The following CPEB3 variants were observed in gnomAD, a reference collection of about 807,000 sequenced individuals.
The protein encoded by CPEB3 is cytoplasmic polyadenylation element-binding protein 3.
CPEB3 carries 20 observed loss-of-function variants against 67.2 expected under a neutral mutation model. That is an observed-to-expected ratio of 0.30 (90% CI 0.21 to 0.43). The LOEUF (loss-of-function observed/expected upper bound fraction) is 0.43. Among genes scored for constraint, CPEB3 ranks in the 20% least tolerant of loss-of-function variants. The pLI, the probability that CPEB3 is intolerant of heterozygous loss-of-function variation, is 1.00. For missense variants in CPEB3, 746 were observed against 968.6 expected, an observed-to-expected ratio of 0.77 and a Z score of 3.05; for synonymous variants, 376 against 393.1, an observed-to-expected ratio of 0.96 and a Z score of 0.51.
intron 1 of CPEB3, among the ~76,000 whole-genome samples, chr10:92,253,463 C>CAAAAAAAAAAAAAAAA (rs370091703): frequency 6.5e-5 from 5 of 76,802 alleles, no homozygotes; most frequent in African/African-American, 1.4e-4. Context: ...TGTCTCAAAA[C>CAAAAAAAAAAAAAAAA]AAAAAAAAAA....
intron 9 of CPEB3, among the ~76,000 whole-genome samples, chr10:92,057,618 G>C (rs956475069): frequency 1.3e-5 from 2 of 152,246 alleles, no homozygotes; most frequent in Non-Finnish European, 2.9e-5. Flanking sequence ...GCAGTAACCA[G>C]GGCGTGGTTA....
chr10:92,050,290 C>T lies in CPEB3; in HGVS notation c.*1922G>A, dbSNP rs990731255. ...TCCAGTAAAAAACTATTTTGTTTTT[C>T]CTTTTTGAAAACAAACTATAGCTTG... On this transcript the variant is annotated 3_prime_UTR_variant, in exon 10 of 10. Transcript: ENST00000265997. 6.6e-6 allele frequency: 1 copy of T among 152,532 alleles called. No homozygotes were observed. Among genetic ancestry groups the T allele is most frequent in the Non-Finnish European group, 1.5e-5 (1 of 68,018 alleles). 9.4% of individuals were successfully genotyped at this position (152,532 alleles called of 1,614,324 possible). A position where few individuals can be genotyped will look rare whatever the true frequency, so the allele number is the denominator to read the frequency against.
chr10:92,214,491 T>A (rs1214822850), intron 2 of CPEB3, among the ~76,000 whole-genome samples: 1 of 152,060 alleles, frequency 6.6e-6, no homozygotes, highest in Non-Finnish European at 1.5e-5. Flanking sequence ...CCACTCAATT[T>A]TTTTTTTTTA....
At position 92,212,015 on chromosome 10, in the gene CPEB3, C is replaced by T. The variant is rs760596734; in HGVS notation, c.1006-19379G>A. Among the ~76,000 whole-genome samples the T allele has an allele frequency of 1.1e-4, 16 of 151,010 alleles. 1 individual carries two copies. The highest frequency in any genetic ancestry group is 2.0e-4 in the Admixed American group (3 of 15,096). ...CCAAGAAGCTGGGATTACAGGCACC[C>T]GCCACCACTCCTGGTTAATTTTTTA... On this transcript the variant is annotated intron_variant, in intron 2 of 9. Coordinates refer to ENST00000265997, the MANE Select transcript of CPEB3 (RefSeq NM_014912.5).
Position 92,239,641 on chromosome 10 carries a change from G to C in CPEB3, c.710C>G (p.Ser237Trp). ...AAAAAAAAAS[S>W]ASSSWNTHQS... ...GTGCGTGTTCCAGCTGGACGAGGCC[G>C]ACGAGGCGGCGGCTGCGGCAGCAGC... Residue 237 changes from serine (S) to tryptophan (W), a missense_variant, in exon 2 of 10, where the codon TCG becomes TGG. By Grantham distance (177) the Ser-to-Trp change is radical. This residue lies in a region of CPEB3 where 643 missense variants were observed against 717.5 expected (regional missense o/e 0.90). Coordinates refer to ENST00000265997, the MANE Select transcript of CPEB3 (RefSeq NM_014912.5). This position sits in a 1 kb window ranked among gnomAD's most constrained non-coding sequence, Gnocchi z 6.0. The C allele has an allele frequency of 6.4e-7, 1 of 1,560,760 alleles. No homozygotes were observed. The highest frequency in any genetic ancestry group is 8.7e-7 in the Non-Finnish European group (1 of 1,153,160).
Position 92,240,341 on chromosome 10 carries a change from C to A in CPEB3, c.10G>T (p.Asp4Tyr), listed in dbSNP as rs1317637987. The A allele has an allele frequency of 2.7e-6, 4 of 1,466,634 alleles. No individual in the cohort carries two copies. The highest frequency in any genetic ancestry group is 1.4e-5 in the South Asian group (1 of 69,900). The allele number at this position is 1,466,634 out of a possible 1,614,324, so 90.9% of individuals were successfully genotyped here. A position where few individuals can be genotyped will look rare whatever the true frequency, so the allele number is the denominator to read the frequency against. The change falls in exon 2 of 10, where the codon GAT becomes TAT. Residue 4 changes from aspartate to tyrosine, a missense_variant. Coordinates refer to ENST00000265997, the MANE Select transcript of CPEB3 (RefSeq NM_014912.5). ...GTTTTGCTTTTGTCCATCAGTAAAT[C>A]ATCCTGCATGGTTTGCGCAGCTGAA... MQD[D>Y]LLMDKSKTQP... is the part of the protein sequence containing the mutation.
At chr10:92,225,966 A>G (rs987224074) in intron 2 of CPEB3, among the ~76,000 whole-genome samples, 2 of 152,132 alleles carry the variant, frequency 1.3e-5, no homozygotes, top group Admixed American at 1.3e-4. Context: ...GCGTGGTGGC[A>G]AGCACCTGTA....
chr10:92,104,379 CTTTTTTTT>C (rs397845791), intron 7 of CPEB3, among the ~76,000 whole-genome samples: 1 of 127,224 alleles, frequency 7.9e-6, no homozygotes. Context: ...GGAAATGCAA[CTTTTTTTT>C]TTTTTTTTTT....
At chr10:92,112,627 G>A (rs1844809558) in intron 6 of CPEB3, among the ~76,000 whole-genome samples, 1 of 152,172 alleles carries the variant, frequency 6.6e-6, no homozygotes, top group Non-Finnish European at 1.5e-5. Flanking sequence ...TATTCAAGGG[G>A]CCACCTGTGG....
At chr10:92,114,732 T>C (rs1935865) in intron 6 of CPEB3, among the ~76,000 whole-genome samples, 41,945 of 152,180 alleles carry the variant, frequency 0.28, 6,492 homozygotes, top group Admixed American at 0.37. Flanking sequence ...CAGTAAGTGG[T>C]GGAACCATGA....
intron 8 of CPEB3, among the ~76,000 whole-genome samples, chr10:92,090,473 C>T (rs572651945): frequency 1.3e-5 from 2 of 152,148 alleles, no homozygotes; most frequent in East Asian, 3.9e-4. Context: ...ACCCAGGAGG[C>T]GGAGGTTGCA....
chr10:92,163,117 AG>A lies in CPEB3; in HGVS notation c.1222+17845del, dbSNP rs1275723261. The stretch of plus-strand genomic sequence containing the variant: ...TGTATCCACCGTTACAGTATCATAT[AG>A]AATAGTTTCACTGCCTTAAAAATCC... On this transcript the variant is annotated intron_variant, in intron 4 of 9. Transcript: ENST00000265997. Among the ~76,000 whole-genome samples, 3 of 152,288 alleles carry A rather than the reference AG, an allele frequency of 2.0e-5. No individual in the cohort carries two copies. The East Asian group carries it at 5.8e-4, about 29-fold the overall frequency.
chr10:92,220,475 G>C (rs1326053320), intron 2 of CPEB3, among the ~76,000 whole-genome samples: 1 of 151,428 alleles, frequency 6.6e-6, no homozygotes, highest in Non-Finnish European at 1.5e-5. Flanking sequence ...TAATAGTAAA[G>C]CCTTCCCCAC....
At chr10:92,202,334 T>A (rs1235410504) in intron 2 of CPEB3, among the ~76,000 whole-genome samples, 1 of 152,044 alleles carries the variant, frequency 6.6e-6, no homozygotes, top group Non-Finnish European at 1.5e-5. Flanking sequence ...CTGATGTTTA[T>A]AACAACTTTA....
chr10:92,121,340 TACACACACA>T (rs1845368440), intron 6 of CPEB3, among the ~76,000 whole-genome samples: 2 of 147,708 alleles, frequency 1.4e-5, no homozygotes, highest in Non-Finnish European at 3.0e-5. Flanking sequence ...ATTGGGGAAA[TACACACACA>T]TATATATATA....
At chr10:92,196,280 A>G (rs1178051652) in intron 2 of CPEB3, among the ~76,000 whole-genome samples, 1 of 152,234 alleles carries the variant, frequency 6.6e-6, no homozygotes, top group Non-Finnish European at 1.5e-5. Context: ...AGCAGGCAAT[A>G]AACAAGCCTG....
intron 9 of CPEB3, among the ~76,000 whole-genome samples, chr10:92,062,866 A>G (rs1419444496): frequency 6.6e-6 from 1 of 152,212 alleles, no homozygotes; most frequent in Non-Finnish European, 1.5e-5. Context: ...AGCTGATCAG[A>G]TCGTTAAGCT....
intron 2 of CPEB3, among the ~76,000 whole-genome samples, chr10:92,229,857 C>A (rs1851181204): frequency 6.6e-6 from 1 of 152,174 alleles, no homozygotes; most frequent in African/African-American, 2.4e-5. Flanking sequence ...CCAGCCTGAC[C>A]AACATGGAGA....
chr10:92,270,559 C>CT (rs571582158), intron 1 of CPEB3, among the ~76,000 whole-genome samples: 2,960 of 124,848 alleles, frequency 0.024, 132 homozygotes, highest in African/African-American at 0.075. Context: ...TTTTATATTA[C>CT]TTTTTTTTTT....
Sources: allele counts gnomAD v4.1 joint callset (sites outside exome capture counted in the v4.1 genomes callset), GRCh38; gene constraint gnomAD v4.1.1; regional missense constraint gnomAD v4.1.1; non-coding constraint Gnocchi (gnomAD v3.1); transcripts MANE v1.5; gene names NCBI Gene and HGNC (gene_info 2026-07-23, HGNC 2026-07-21).